The following SLC17A4 variants were observed in gnomAD, a reference collection of about 807,000 sequenced individuals.
SLC17A4 encodes solute carrier family 17 member 4, also known as probable small intestine urate exporter.
SLC17A4 carries 33 observed loss-of-function variants against 52.5 expected under a neutral mutation model. The ratio of observed to expected loss-of-function variants is 0.63; its 90% CI spans 0.48 to 0.84. SLC17A4 has a LOEUF of 0.84. Among genes scored for constraint, SLC17A4 ranks in the 40% least tolerant of loss-of-function variants. SLC17A4 has a pLI of 0.00. For synonymous variants in SLC17A4, 225 were observed against 216.2 expected (o/e 1.04, Z -0.36); for missense variants, 585 against 597.1 (o/e 0.98, Z 0.21).
intron 3 of SLC17A4, among the ~76,000 whole-genome samples, chr6:25,769,698 T>C (rs1225469290): frequency 6.6e-6 from 1 of 152,190 alleles, no homozygotes; most frequent in East Asian, 1.9e-4. Context: ...TACCATTTAG[T>C]GGACATAAAT....
intron 5 of SLC17A4, 30 bp downstream of exon 5, chr6:25,770,501 T>G (rs1177810967): frequency 6.2e-7 from 1 of 1,600,986 alleles, no homozygotes; most frequent in South Asian, 1.1e-5. Context: ...TCACTTTACA[T>G]GCACTGTCCA....
intron 2 of SLC17A4, among the ~76,000 whole-genome samples, chr6:25,763,017 C>A (rs994119126): frequency 1.1e-4 from 16 of 152,174 alleles, no homozygotes; most frequent in Admixed American, 1.0e-3. Context: ...AATCAGAATG[C>A]TTGAGTTTCC....
At chr6:25,757,539 C>T (rs1281239267) in intron 1 of SLC17A4, among the ~76,000 whole-genome samples, 1 of 152,008 alleles carries the variant, frequency 6.6e-6, no homozygotes, top group South Asian at 2.1e-4. Flanking sequence ...AAAAGTATAC[C>T]TTCTTTCCCC....
intron 2 of SLC17A4, among the ~76,000 whole-genome samples, chr6:25,766,843 G>T (rs2151434134): frequency 6.6e-6 from 1 of 152,320 alleles, no homozygotes; most frequent in African/African-American, 2.4e-5. Context: ...GTCTGAGAAA[G>T]TGTCATACCA....
chr6:25,772,294 C>T (rs886852651), intron 6 of SLC17A4, among the ~76,000 whole-genome samples: 24 of 152,314 alleles, frequency 1.6e-4, no homozygotes, highest in African/African-American at 5.8e-4. Context: ...TTAACATCCT[C>T]CAACCCCAAT....
chr6:25,771,605 G>C (rs1194074587), intron 6 of SLC17A4, among the ~76,000 whole-genome samples: 2 of 151,938 alleles, frequency 1.3e-5, no homozygotes, highest in African/African-American at 4.8e-5. Flanking sequence ...TGTTATTTTA[G>C]TCAGATTACA....
In SLC17A4 at chr6:25,776,530, A is replaced by G. The variant is rs1035499984; in HGVS notation, c.988-65A>G. 101 of 1,533,460 alleles carry G rather than the reference A, an allele frequency of 6.6e-5. 1 individual carries two copies. The Admixed American group carries it at 2.0e-3, about 31-fold the overall frequency. 95.0% of individuals were successfully genotyped at this position (1,533,460 alleles called of 1,614,324 possible). ...GCCACAAATGTGGACAGTCTGTCCA[A>G]GGTTGTCTGTGTCGTGGTGGGGGTG... On this transcript the variant is annotated intron_variant, in intron 8 of 11. Coordinates refer to ENST00000377905, the MANE Select transcript of SLC17A4 (RefSeq NM_005495.3).
At chr6:25,770,785 C>G in intron 5 of SLC17A4, 141 bp from the exon 6 acceptor site, 1 of 704,880 alleles carries the variant, frequency 1.4e-6, no homozygotes, top group Non-Finnish European at 2.5e-6. Context: ...TCCAAGATCA[C>G]ATAGTTACCA....
chr6:25,778,089 C>A, intron 11 of SLC17A4, 73 bp downstream of exon 11: 2 of 1,090,062 alleles, frequency 1.8e-6, no homozygotes, highest in South Asian at 1.4e-5. Context: ...ATATGCACGG[C>A]CTTGTATCCT....
At chr6:25,772,662 T>C (rs1446049312) in intron 6 of SLC17A4, among the ~76,000 whole-genome samples, 1 of 152,226 alleles carries the variant, frequency 6.6e-6, no homozygotes, top group African/African-American at 2.4e-5. Flanking sequence ...CATAATGTAC[T>C]GCTGCTCACT....
In SLC17A4 at chr6:25,779,109, C is replaced by T. The variant is rs111601146; in HGVS notation, c.1415C>T (p.Ser472Leu). 1,401 of 1,613,856 alleles carry T rather than the reference C, an allele frequency of 8.7e-4. 9 individuals are homozygous for T. The African/African-American group carries it at 0.015, about 17-fold the overall frequency. The change falls in exon 12 of 12, where the codon TCG becomes TTG. Residue 472 changes from serine (S) to leucine (L), a missense_variant. By Grantham distance (145) the Ser-to-Leu change is moderately radical. Transcript: ENST00000377905. ...TTGCTTTCAGCTGCTGTTAACATAT[C>T]GGGCCTGGTTTTCTACCTCATCTTT... Reference protein sequence around the residue: ...VFLLSAAVNISGLVFYLIFGR... With the variant: ...VFLLSAAVNILGLVFYLIFGR...
chr6:25,766,006 T>C (rs1480557576), intron 2 of SLC17A4, among the ~76,000 whole-genome samples: 2 of 151,806 alleles, frequency 1.3e-5, no homozygotes, highest in Non-Finnish European at 2.9e-5. Flanking sequence ...GCATTGAAAA[T>C]GTATAATATG....
intron 9 of SLC17A4, 38 bp downstream of exon 9, chr6:25,776,765 G>T: frequency 6.2e-7 from 1 of 1,613,938 alleles, no homozygotes; most frequent in Non-Finnish European, 8.5e-7. Flanking sequence ...AACGTGGGAA[G>T]CTCAGAGCAG....
At chr6:25,769,908 T>C (rs1762338711) in intron 3 of SLC17A4, among the ~76,000 whole-genome samples, 159 bp from the exon 4 acceptor site, 1 of 152,170 alleles carries the variant, frequency 6.6e-6, no homozygotes, top group Non-Finnish European at 1.5e-5. Context: ...ATTGGGCATA[T>C]ATTTAGGGTT....
At chr6:25,769,815 C>T (rs1377673660) in intron 3 of SLC17A4, among the ~76,000 whole-genome samples, 1 of 151,508 alleles carries the variant, frequency 6.6e-6, no homozygotes, top group East Asian at 1.9e-4. Context: ...ATGATGCTTT[C>T]TTCTTTATAG....
intron 1 of SLC17A4, among the ~76,000 whole-genome samples, chr6:25,758,360 G>A (rs148550218): frequency 5.3e-4 from 80 of 152,262 alleles, no homozygotes; most frequent in African/African-American, 1.9e-3. Context: ...GCCTACCTGT[G>A]TCCCTGAAAT....
Position 25,779,351 on chromosome 6 carries a change from C to G in SLC17A4, c.*163C>G, listed in dbSNP as rs1172463966. ...CTGGAAATTTTACAGGGGAAGAAAA[C>G]ACGCTAGTTATTTAACTGCAAGCTA... On this transcript the variant is annotated 3_prime_UTR_variant, in exon 12 of 12. Coordinates refer to ENST00000377905, the MANE Select transcript of SLC17A4 (RefSeq NM_005495.3). 1 of 891,864 alleles carries G rather than the reference C, an allele frequency of 1.1e-6. No individual in the cohort carries two copies. The highest frequency in any genetic ancestry group is 1.7e-6 in the Non-Finnish European group (1 of 600,740). The allele number at this position is 891,864 out of a possible 1,614,324, so 55.2% of individuals were successfully genotyped here. A position where few individuals can be genotyped will look rare whatever the true frequency, so the allele number is the denominator to read the frequency against.
intron 8 of SLC17A4, 55 bp from the exon 9 acceptor site, chr6:25,776,540 T>G (rs1581425185): frequency 1.3e-6 from 2 of 1,542,004 alleles, no homozygotes; most frequent in East Asian, 4.5e-5. Flanking sequence ...AGGTTGTCTG[T>G]GTCGTGGTGG....
In SLC17A4 at chr6:25,770,116, C is replaced by A; in HGVS notation, c.347C>A (p.Ser116Tyr). 6.2e-7 allele frequency: 1 copy of A among 1,614,112 alleles called. No homozygotes were observed. Among genetic ancestry groups the A allele is most frequent in the East Asian group, 2.2e-5 (1 of 44,892 alleles). The change falls in exon 4 of 12, where the codon TCC becomes TAC. Residue 116 changes from serine to tyrosine, a missense_variant. Transcript: ENST00000377905. ...SPEIQGIILS[S>Y]LNYGSFLAPI... ...GAAATCCAGGGAATCATCCTCAGCT[C>A]CCTCAACTATGGCTCATTCTTGGCT... is the stretch of plus-strand genomic sequence containing the variant.
Sources: gnomAD v4.1 joint callset for allele counts (sites outside exome capture counted in the v4.1 genomes callset) on GRCh38, gnomAD v4.1.1 for gene constraint, MANE v1.5 for transcripts, NCBI Gene and HGNC (gene_info 2026-07-23, HGNC 2026-07-21) for gene names.